FGD4: variants seen among roughly 807,000 people sequenced by gnomAD.
The protein encoded by FGD4 is FYVE, RhoGEF and PH domain containing 4, also known as FYVE, RhoGEF and PH domain-containing protein 4.
FGD4 carries 42 observed loss-of-function variants against 102.0 expected under a neutral mutation model. The observed-to-expected ratio is 0.41, with a 90% CI of 0.32 to 0.53. The LOEUF is 0.53. Ranked by LOEUF, FGD4 falls within the 20% of genes least tolerant of loss-of-function variation. The pLI is 0.21. For synonymous variants in FGD4, 380 were observed against 375.7 expected, an observed-to-expected ratio of 1.01 and a Z score of -0.13; for missense variants, 902 against 1,078.2, an observed-to-expected ratio of 0.84 and a Z score of 2.29.
At position 32,615,396 on chromosome 12, in the gene FGD4, A is replaced by G. The variant is rs144581012; in HGVS notation, c.1749+4113A>G. Among the ~76,000 whole-genome samples the G allele has an allele frequency of 1.4e-3, 210 of 152,336 alleles. 1 individual carries two copies. Among genetic ancestry groups the G allele is most frequent in the African/African-American group, 4.7e-3 (196 of 41,592 alleles). On this transcript the variant is annotated intron_variant, in intron 10 of 16. Transcript: ENST00000534526. ...GGTGATAGTTGCACAATTTACAACT[A>G]TCCTAAAAACCATGATTTGTACATT...
chr12:32,552,567 C>A (rs1298229555), intron 1 of FGD4, among the ~76,000 whole-genome samples: 2 of 150,786 alleles, frequency 1.3e-5, no homozygotes, highest in East Asian at 3.9e-4. Context: ...CAGGCGTGAA[C>A]CACCACTCTC....
At chr12:32,577,563 G>A (rs550081238) in intron 3 of FGD4, among the ~76,000 whole-genome samples, 9 of 152,076 alleles carry the variant, frequency 5.9e-5, no homozygotes, top group African/African-American at 1.9e-4. Context: ...CAGAGGCCCC[G>A]TCTATTTTAC....
chr12:32,612,504 C>T (rs920271981), intron 10 of FGD4, among the ~76,000 whole-genome samples: 3 of 152,214 alleles, frequency 2.0e-5, no homozygotes, highest in African/African-American at 7.2e-5. Flanking sequence ...CCCCAAGGAT[C>T]CTTTGACAGT....
At chr12:32,488,040 G>T (rs1199013623) in intron 1 of FGD4, among the ~76,000 whole-genome samples, 2 of 152,142 alleles carry the variant, frequency 1.3e-5, no homozygotes, top group Non-Finnish European at 2.9e-5. Context: ...TCCATGCATA[G>T]GAGATAAATC....
intron 1 of FGD4, among the ~76,000 whole-genome samples, chr12:32,553,815 C>G (rs1271632067): frequency 1.3e-5 from 2 of 152,128 alleles, no homozygotes; most frequent in Non-Finnish European, 2.9e-5. Flanking sequence ...AAATAATAAA[C>G]AGAAACATGC....
chr12:32,638,047 G>C (rs1244321456), intron 15 of FGD4, among the ~76,000 whole-genome samples: 1 of 152,176 alleles, frequency 6.6e-6, no homozygotes, highest in Non-Finnish European at 1.5e-5. Flanking sequence ...AATTGAAGTA[G>C]GTATCGCATT....
chr12:32,408,919 G>A lies in FGD4; in HGVS notation c.166+8960G>A, dbSNP rs150359665. On this transcript the variant is annotated intron_variant, in intron 1 of 16. Coordinates refer to ENST00000534526, the MANE Select transcript of FGD4 (RefSeq NM_001370298.3). ...CTTTGCCATTTTCTCCTTTCTCCTC[G>A]TCTTCATTGGGGGTCCCATCTGCCC... Among the ~76,000 whole-genome samples the A allele has an allele frequency of 1.5e-3, 226 of 151,788 alleles. 1 individual carries two copies. The highest frequency in any genetic ancestry group is 6.8e-3 in the Middle Eastern group (2 of 294).
chr12:32,597,540 G>T (rs1369447912), intron 4 of FGD4, among the ~76,000 whole-genome samples: 1 of 152,160 alleles, frequency 6.6e-6, no homozygotes, highest in African/African-American at 2.4e-5. Context: ...CAATAGTTAG[G>T]TATGTGATTG....
intron 7 of FGD4, among the ~76,000 whole-genome samples, chr12:32,602,694 G>C (rs1254923037): frequency 6.6e-6 from 1 of 152,082 alleles, no homozygotes; most frequent in Non-Finnish European, 1.5e-5. Flanking sequence ...TTCTTTTTTT[G>C]TCACTTGATA....
chr12:32,442,852 C>T (rs1264246927), intron 1 of FGD4, among the ~76,000 whole-genome samples: 1 of 152,154 alleles, frequency 6.6e-6, no homozygotes, highest in African/African-American at 2.4e-5. Context: ...GCCACTGTGT[C>T]CAGGCTTCCA....
At position 32,611,286 on chromosome 12, in the gene FGD4, G is replaced by A. The variant is rs542398408; in HGVS notation, c.1749+3G>A. On this transcript the variant is annotated splice_donor_region_variant and intron_variant, in intron 10 of 16. Coordinates refer to ENST00000534526, the MANE Select transcript of FGD4 (RefSeq NM_001370298.3). ...CACAAGAACGCTACCTTTTCTTAGT[G>A]AGTATTATAGTGTTGGCAAGTCATA... 4.3e-6 allele frequency: 7 copies of A among 1,614,132 alleles called. No individual in the cohort carries two copies. The South Asian group carries it at 7.7e-5, about 18-fold the overall frequency.
rs1592293336 is a variant in FGD4 at position 32,581,959 on chromosome 12, G to A, written c.504-1G>A. 1.2e-6 allele frequency: 2 copies of A among 1,613,882 alleles called. No individual in the cohort carries two copies. The highest frequency in any genetic ancestry group is 3.3e-4 in the Middle Eastern group (2 of 6,060). On this transcript the variant is annotated splice_acceptor_variant, in intron 3 of 16. Transcript: ENST00000534526. LOFTEE classifies it high-confidence loss of function. ...TGCTTCCTTTGTATTTTATCTTTTA[G>A]CTCATTATCAAATTATAGTGATTTG...
chr12:32,625,405 G>A (rs1950097492), intron 13 of FGD4, among the ~76,000 whole-genome samples: 1 of 151,690 alleles, frequency 6.6e-6, no homozygotes, highest in Non-Finnish European at 1.5e-5. Context: ...GAGTAGCTGG[G>A]ATTATACGTG....
chr12:32,623,652 A>G (rs537749978), intron 11 of FGD4, among the ~76,000 whole-genome samples: 1 of 152,310 alleles, frequency 6.6e-6, no homozygotes, highest in African/African-American at 2.4e-5. Context: ...GAATTTTTCA[A>G]TTTGGAGCTC....
At chr12:32,612,802 C>G (rs564320442) in intron 10 of FGD4, among the ~76,000 whole-genome samples, 1 of 152,252 alleles carries the variant, frequency 6.6e-6, no homozygotes, top group South Asian at 2.1e-4. Context: ...CATGAGTTCT[C>G]TACACAGTTC....
chr12:32,463,155 C>T (rs186419872), intron 1 of FGD4, among the ~76,000 whole-genome samples: 1 of 152,344 alleles, frequency 6.6e-6, no homozygotes, highest in Admixed American at 6.5e-5. Context: ...TATGATCTCA[C>T]TTGCCTCCTC....
At chr12:32,409,111 G>A (rs1941084221) in intron 1 of FGD4, among the ~76,000 whole-genome samples, 1 of 151,936 alleles carries the variant, frequency 6.6e-6, no homozygotes, top group Non-Finnish European at 1.5e-5. Context: ...GCTCTTGTTT[G>A]GCTTCAAATT....
rs902691152 is a variant in FGD4 at position 32,445,710 on chromosome 12, A to G, written c.166+45751A>G. ...AAGACTGGGAGTTGGGCTATACTGC[A>G]AGTTATGAATAAGATACACACTATT... On this transcript the variant is annotated intron_variant, in intron 1 of 16. Transcript: ENST00000534526. Among the ~76,000 whole-genome samples the G allele has an allele frequency of 7.9e-5, 12 of 152,222 alleles. No individual in the cohort carries two copies. In the East Asian group the frequency reaches 2.1e-3, roughly 27 times the overall value.
chr12:32,433,265 G>A (rs751960622), intron 1 of FGD4, among the ~76,000 whole-genome samples: 8 of 152,120 alleles, frequency 5.3e-5, no homozygotes, highest in Non-Finnish European at 1.2e-4. Context: ...CTAAAGTGCT[G>A]GGATTGAGCC....
Sources: allele counts gnomAD v4.1 joint callset (sites outside exome capture counted in the v4.1 genomes callset), GRCh38; gene constraint gnomAD v4.1.1; transcripts MANE v1.5; gene names NCBI Gene and HGNC (gene_info 2026-07-23, HGNC 2026-07-21).